The following PRRX2 variants were observed in gnomAD, a reference collection of about 807,000 sequenced individuals.
PRRX2 encodes the protein paired mesoderm homeobox protein 2.
PRRX2 carries 11 observed loss-of-function variants against 18.0 expected under a neutral mutation model. The ratio of observed to expected loss-of-function variants is 0.61; its 90% CI spans 0.39 to 1.01. The LOEUF is 1.01. PRRX2 is among the 50% of genes least tolerant of loss of function. The pLI is 0.01. For synonymous variants in PRRX2, 177 were observed against 154.8 expected (o/e 1.14, Z -1.06); for missense variants, 387 against 351.0 (o/e 1.10, Z -0.82).
chr9:129,670,068 G>A (rs28700131), intron 1 of PRRX2, among the ~76,000 whole-genome samples: 5 of 145,280 alleles, frequency 3.4e-5, no homozygotes, highest in Admixed American at 2.8e-4. Flanking sequence ...TAGGGATCTC[G>A]TATGTAAGTG....
At chr9:129,697,034 A>C (rs977752972) in intron 1 of PRRX2, among the ~76,000 whole-genome samples, 3 of 152,246 alleles carry the variant, frequency 2.0e-5, no homozygotes, top group African/African-American at 7.2e-5. Context: ...GGACGGTAGC[A>C]GCAGTACCTG....
At chr9:129,704,715 A>G (rs765502772) in intron 1 of PRRX2, among the ~76,000 whole-genome samples, 36 of 152,222 alleles carry the variant, frequency 2.4e-4, no homozygotes, top group African/African-American at 8.7e-4. Flanking sequence ...GATGACCTCT[A>G]AAGTCCCTTC....
intron 1 of PRRX2, among the ~76,000 whole-genome samples, chr9:129,669,475 A>G (rs1832074106): frequency 6.6e-6 from 1 of 152,268 alleles, no homozygotes; most frequent in Admixed American, 6.5e-5. Context: ...GGACGTGGAC[A>G]CACTGGGAAA....
chr9:129,699,187 C>T (rs923738145), intron 1 of PRRX2, among the ~76,000 whole-genome samples: 2 of 152,224 alleles, frequency 1.3e-5, no homozygotes, highest in South Asian at 2.1e-4. Flanking sequence ...CTTTGGGAGG[C>T]CAAGGTGGGC....
At chr9:129,678,395 CA>C (rs756818143) in intron 1 of PRRX2, among the ~76,000 whole-genome samples, 1 of 152,308 alleles carries the variant, frequency 6.6e-6, no homozygotes, top group Admixed American at 6.5e-5. Flanking sequence ...TGGCCAGGCA[CA>C]GGGGCCCCTG....
chr9:129,689,900 G>A (rs901196118), intron 1 of PRRX2, among the ~76,000 whole-genome samples: 2 of 151,022 alleles, frequency 1.3e-5, no homozygotes, highest in East Asian at 1.9e-4. Flanking sequence ...TTACAGGCGC[G>A]CGCCATCACG....
At chr9:129,668,322 G>T (rs1832053547) in intron 1 of PRRX2, among the ~76,000 whole-genome samples, 1 of 152,216 alleles carries the variant, frequency 6.6e-6, no homozygotes, top group Admixed American at 6.5e-5. Context: ...AAACCTTGCT[G>T]GGCTTGCCGG....
At position 129,717,260 on chromosome 9, in the gene PRRX2, G is replaced by A. The variant is rs528897838; in HGVS notation, c.260-1971G>A. Among the ~76,000 whole-genome samples the A allele has an allele frequency of 2.4e-4, 37 of 152,134 alleles. 1 individual carries two copies. The highest frequency in any genetic ancestry group is 8.2e-4 in the African/African-American group (34 of 41,524). ...TTTTGTTTTGTTTTTAGTAGAGATG[G>A]GGTTTCACCATATTGCCCAGGCTGG... On this transcript the variant is annotated intron_variant, in intron 1 of 3. Coordinates refer to ENST00000372469, the MANE Select transcript of PRRX2 (RefSeq NM_016307.4).
chr9:129,705,286 G>T (rs562425443), intron 1 of PRRX2, among the ~76,000 whole-genome samples: 2 of 152,328 alleles, frequency 1.3e-5, no homozygotes, highest in African/African-American at 2.4e-5. Context: ...GGGGCTGAGG[G>T]ATATGAGGGG....
chr9:129,722,264 G>C lies in PRRX2; in HGVS notation c.674G>C (p.Gly225Ala), dbSNP rs1351483775. 6.2e-7 allele frequency: 1 copy of C among 1,613,992 alleles called. No individual in the cohort carries two copies. The highest frequency in any genetic ancestry group is 2.2e-5 in the East Asian group (1 of 44,880). The change falls in exon 4 of 4, where the codon GGG becomes GCG. Residue 225 changes from glycine (G) to alanine (A), a missense_variant. By Grantham distance (60) the Gly-to-Ala change is moderately conservative (BLOSUM62 0). Coordinates refer to ENST00000372469, the MANE Select transcript of PRRX2 (RefSeq NM_016307.4). ...GGGAGCTCAGGCCCCGCAACCCCAG[G>C]GGTCAACATGGCCAACAGCATCGCC... ...SPGSSGPATP[G>A]VNMANSIASL...
In PRRX2 at chr9:129,675,044, C is replaced by A. The variant is rs1339925211; in HGVS notation, c.259+8918C>A. 2.0e-5 allele frequency among the ~76,000 whole-genome samples: 3 copies of A among 152,150 alleles called. No homozygotes were observed. Among genetic ancestry groups the A allele is most frequent in the African/African-American group, 7.2e-5 (3 of 41,410 alleles). ...GAGCTGACTCTGCCTCCATTACCCT[C>A]CTCAGTTTACCCGAGTGGAAAGCGG... On this transcript the variant is annotated intron_variant, in intron 1 of 3. Transcript: ENST00000372469. The surrounding 1 kb of genome is among the most constrained non-coding windows in gnomAD (Gnocchi z 4.4).
chr9:129,690,729 A>C (rs1257661722), intron 1 of PRRX2, among the ~76,000 whole-genome samples: 1 of 151,592 alleles, frequency 6.6e-6, no homozygotes, highest in Non-Finnish European at 1.5e-5. Context: ...GCTGGTCTTG[A>C]ACTCCTGACC....
intron 1 of PRRX2, among the ~76,000 whole-genome samples, chr9:129,711,226 G>C (rs1282932438): frequency 2.6e-5 from 4 of 152,038 alleles, no homozygotes; most frequent in Non-Finnish European, 5.9e-5. Context: ...GCTGCTCTCT[G>C]AGTTCCAATC....
intron 1 of PRRX2, among the ~76,000 whole-genome samples, chr9:129,714,402 C>CAAA (rs144863124): frequency 9.8e-6 from 1 of 102,494 alleles, no homozygotes; most frequent in African/African-American, 3.3e-5. Context: ...TACTCTGTCT[C>CAAA]AAAAAAAAAA....
chr9:129,714,981 T>G (rs1040734666), intron 1 of PRRX2, among the ~76,000 whole-genome samples: 10 of 152,214 alleles, frequency 6.6e-5, no homozygotes, highest in Non-Finnish European at 8.8e-5. Flanking sequence ...GGTTTAAAGT[T>G]TCTTCCTCAT....
intron 1 of PRRX2, among the ~76,000 whole-genome samples, chr9:129,687,511 G>A (rs377283283): frequency 1.8e-4 from 27 of 152,310 alleles, no homozygotes; most frequent in African/African-American, 4.1e-4. Context: ...CCACTCCACC[G>A]TCACTAACTC....
At chr9:129,678,862 G>T (rs545736946) in intron 1 of PRRX2, among the ~76,000 whole-genome samples, 33 of 152,192 alleles carry the variant, frequency 2.2e-4, no homozygotes, top group Non-Finnish European at 4.1e-4. Context: ...GATGACAGTT[G>T]TGTCTCAGTT....
chr9:129,712,478 G>A (rs1330500475), intron 1 of PRRX2, among the ~76,000 whole-genome samples: 1 of 152,156 alleles, frequency 6.6e-6, no homozygotes, highest in Non-Finnish European at 1.5e-5. Flanking sequence ...AGGGCGGTGG[G>A]AACACTTGAT....
At chr9:129,677,556 A>C (rs1317190545) in intron 1 of PRRX2, among the ~76,000 whole-genome samples, 3 of 152,146 alleles carry the variant, frequency 2.0e-5, no homozygotes, top group Non-Finnish European at 4.4e-5. Flanking sequence ...CCCCCCTCCA[A>C]ACCCCCCATT....
Sources: allele counts gnomAD v4.1 joint callset (sites outside exome capture counted in the v4.1 genomes callset), GRCh38; gene constraint gnomAD v4.1.1; non-coding constraint Gnocchi (gnomAD v3.1); transcripts MANE v1.5; gene names NCBI Gene and HGNC (gene_info 2026-07-23, HGNC 2026-07-21).